Variants in ANKMY1 observed in about 807,000 individuals in gnomAD.
ANKMY1 encodes ankyrin repeat and MYND domain-containing protein 1.
A neutral mutation model predicts 102.0 loss-of-function variants in ANKMY1; 98 were observed. That is an observed-to-expected ratio of 0.96 (90% CI 0.82 to 1.14). The LOEUF is 1.14. Among genes scored for constraint, ANKMY1 ranks in the 50% most tolerant of loss-of-function variants. The pLI is 0.00. For synonymous variants in ANKMY1, 582 were observed against 559.9 expected (o/e 1.04, Z -0.56); for missense variants, 1,330 against 1,347.6 (o/e 0.99, Z 0.20).
intron 9 of ANKMY1, among the ~76,000 whole-genome samples, chr2:240,514,030 G>A (rs967536533): frequency 7.9e-5 from 12 of 152,348 alleles, no homozygotes; most frequent in African/African-American, 2.6e-4. Context: ...ACCAGGAGGC[G>A]CACGGGGCCG....
In ANKMY1 at chr2:240,495,393, G is replaced by A. The variant is rs140171169; in HGVS notation, c.2806+4565C>T. On this transcript the variant is annotated intron_variant, in intron 15 of 17. Coordinates refer to ENST00000401804, the MANE Select transcript of ANKMY1 (RefSeq NM_001282771.3). ...TGTGATGCTGTGCTTCAGTGGTCACGCTCCTGGTCCACTTTCATGTTCCAC... is the reference window on the plus strand; with the variant it reads ...TGTGATGCTGTGCTTCAGTGGTCACACTCCTGGTCCACTTTCATGTTCCAC... 1.8e-3 allele frequency among the ~76,000 whole-genome samples: 279 copies of A among 152,304 alleles called. 1 individual carries two copies. Among genetic ancestry groups the A allele is most frequent in the African/African-American group, 6.3e-3 (261 of 41,560 alleles).
chr2:240,560,363 G>C (rs760823937), upstream of ANKMY1: 2 of 236,660 alleles, frequency 8.5e-6, no homozygotes, highest in Non-Finnish European at 1.6e-5. Context: ...AGCCACAGAC[G>C]CAAGCCCAGT....
At chr2:240,492,244 G>A (rs2076737896) in intron 15 of ANKMY1, among the ~76,000 whole-genome samples, 1 of 151,998 alleles carries the variant, frequency 6.6e-6, no homozygotes, top group Non-Finnish European at 1.5e-5. Flanking sequence ...CTTCCCACTT[G>A]GCCTCCCAAA....
In ANKMY1 at chr2:240,486,937, G is replaced by A. The variant is rs181404393; in HGVS notation, c.2807-4676C>T. 3.2e-3 allele frequency among the ~76,000 whole-genome samples: 486 copies of A among 152,226 alleles called. 2 individuals are homozygous for A. The highest frequency in any genetic ancestry group is 0.011 in the African/African-American group (470 of 41,546). ...ATTATTATTTACACAAATTTGTGGA[G>A]CACATCAAAAAGTTTTGTGACATGT... On this transcript the variant is annotated intron_variant, in intron 15 of 17. Transcript: ENST00000401804.
intron 13 of ANKMY1, 79 bp from the exon 14 acceptor site, chr2:240,500,644 C>A: frequency 7.9e-7 from 1 of 1,263,318 alleles, no homozygotes; most frequent in South Asian, 1.3e-5. Context: ...CTGAGAAGGG[C>A]CATGGTCACC....
intron 4 of ANKMY1, among the ~76,000 whole-genome samples, chr2:240,542,938 T>C (rs1252999602): frequency 6.6e-6 from 1 of 150,644 alleles, no homozygotes; most frequent in East Asian, 1.9e-4. Flanking sequence ...TAATTACTTA[T>C]AATTACTTAA....
chr2:240,494,305 G>A (rs2076983398), intron 15 of ANKMY1, among the ~76,000 whole-genome samples: 1 of 152,194 alleles, frequency 6.6e-6, no homozygotes, highest in South Asian at 2.1e-4. Flanking sequence ...GGTGGAAAAT[G>A]CATGTCTCCT....
chr2:240,515,726 AT>A (rs1048394665), intron 9 of ANKMY1, among the ~76,000 whole-genome samples: 6 of 150,836 alleles, frequency 4.0e-5, no homozygotes, highest in South Asian at 2.1e-4. Context: ...ATAAAAGATA[AT>A]TTTTTTTTGA....
rs1228952312 is a variant in ANKMY1 at position 240,506,056 on chromosome 2, A to T, written c.2526+1504T>A. The stretch of plus-strand genomic sequence containing the variant: ...GCACCGGGGAGCCTCCTAACCCCGG[A>T]CAAGATGCTGGGGAGCCCCCTAACC... On this transcript the variant is annotated intron_variant, in intron 13 of 17. Transcript: ENST00000401804. This position sits in a 1 kb window ranked among gnomAD's most constrained non-coding sequence, Gnocchi z 4.9. Among the ~76,000 whole-genome samples, 1 of 152,092 alleles carries T rather than the reference A, an allele frequency of 6.6e-6. No homozygotes were observed. Among genetic ancestry groups the T allele is most frequent in the African/African-American group, 2.4e-5 (1 of 41,416 alleles).
At chr2:240,526,759 C>T (rs954595241) in intron 5 of ANKMY1, 6 of 1,284,408 alleles carry the variant, frequency 4.7e-6, no homozygotes, top group Non-Finnish European at 6.0e-6. Flanking sequence ...AAGAAATGGG[C>T]TGTAACAGCA....
At chr2:240,509,195 G>C (rs2079638056) in intron 12 of ANKMY1, among the ~76,000 whole-genome samples, 153 bp downstream of exon 12, 1 of 146,004 alleles carries the variant, frequency 6.8e-6, no homozygotes. Context: ...GTGGATAGAT[G>C]GGTGGGTGAG....
At position 240,552,844 on chromosome 2, in the gene ANKMY1, T is replaced by A. The variant is rs115712284; in HGVS notation, c.480+70A>T. On this transcript the variant is annotated intron_variant, in intron 4 of 17. Coordinates refer to ENST00000401804, the MANE Select transcript of ANKMY1 (RefSeq NM_001282771.3). ...AATAAACTTCCCCAGGACCGAAATA[T>A]CTTTTTGTCCAGTGGCTTAGACACA... 1.1e-3 allele frequency: 1,815 copies of A among 1,607,922 alleles called. 19 individuals are homozygous for A. The African/African-American group carries it at 0.021, about 19-fold the overall frequency.
chr2:240,529,641 A>C lies in ANKMY1; in HGVS notation c.481-132T>G. On this transcript the variant is annotated intron_variant, in intron 4 of 17. Transcript: ENST00000401804. This position sits in a 1 kb window ranked among gnomAD's most constrained non-coding sequence, Gnocchi z 4.2. ...AAATGCATGCATTCAGCCAGTAAAC[A>C]TCTCTGGAGGCTTAGGCTGTGCCGC... 1.1e-6 allele frequency: 1 copy of C among 893,054 alleles called. No homozygotes were observed. 55.3% of individuals were successfully genotyped at this position (893,054 alleles called of 1,614,324 possible).
At chr2:240,500,301 G>A (rs559343976) in intron 14 of ANKMY1, 151 bp downstream of exon 14, 1 of 1,123,474 alleles carries the variant, frequency 8.9e-7, no homozygotes, top group South Asian at 1.6e-5. Flanking sequence ...CAGCACTTTG[G>A]GGGGTTCACC....
intron 3 of ANKMY1, 24 bp from the exon 4 acceptor site, chr2:240,553,081 G>C: frequency 6.2e-7 from 1 of 1,609,642 alleles, no homozygotes; most frequent in Non-Finnish European, 8.5e-7. Flanking sequence ...AAGTTGGTGA[G>C]AAATTGCTGC....
chr2:240,546,176 A>C (rs1372852254), intron 4 of ANKMY1, among the ~76,000 whole-genome samples: 1 of 152,202 alleles, frequency 6.6e-6, no homozygotes, highest in African/African-American at 2.4e-5. Flanking sequence ...CAGAAACCCT[A>C]CAAGCCAGAA....
At position 240,479,587 on chromosome 2, in the gene ANKMY1, C is replaced by G. The variant is rs781665953; in HGVS notation, c.*22G>C. 9 of 1,613,706 alleles carry G rather than the reference C, an allele frequency of 5.6e-6. No homozygotes were observed. In the South Asian group the frequency reaches 8.8e-5, roughly 16 times the overall value. ...CACACAGTCCTGGGTCCTCCCCAAGCCTCGGACGTGCAGCTGCTGCTTCAC... is the reference window on the plus strand; with the variant it reads ...CACACAGTCCTGGGTCCTCCCCAAGGCTCGGACGTGCAGCTGCTGCTTCAC... On this transcript the variant is annotated 3_prime_UTR_variant, in exon 18 of 18. Coordinates refer to ENST00000401804, the MANE Select transcript of ANKMY1 (RefSeq NM_001282771.3).
intron 8 of ANKMY1, chr2:240,523,387 G>A (rs1419894450): frequency 6.0e-6 from 1 of 165,920 alleles, no homozygotes; most frequent in Non-Finnish European, 1.3e-5. Context: ...AGAGTCTCAG[G>A]GTTATCAAGA....
At chr2:240,485,285 G>A (rs13003876) in intron 15 of ANKMY1, among the ~76,000 whole-genome samples, 39,513 of 149,058 alleles carry the variant, frequency 0.27, 6,153 homozygotes, top group East Asian at 0.67. Flanking sequence ...CCGAGATCGC[G>A]CCCCTGCACT....
Sources: allele counts gnomAD v4.1 joint callset (sites outside exome capture counted in the v4.1 genomes callset), GRCh38; gene constraint gnomAD v4.1.1; non-coding constraint Gnocchi (gnomAD v3.1); transcripts MANE v1.5; gene names NCBI Gene and HGNC (gene_info 2026-07-23, HGNC 2026-07-21).